MMP16: variants seen among roughly 807,000 people sequenced by gnomAD.
MMP16 encodes matrix metalloproteinase-16.
Under a neutral mutation model 67.8 loss-of-function variants are expected in MMP16, and 12 were observed. The ratio of observed to expected loss-of-function variants is 0.18; its 90% CI spans 0.11 to 0.29. The LOEUF is 0.29. Among genes scored for constraint, MMP16 ranks in the 10% least tolerant of loss-of-function variants. MMP16 has a pLI of 1.00. For synonymous variants in MMP16, 249 were observed against 255.9 expected, an observed-to-expected ratio of 0.97 and a Z score of 0.26; for missense variants, 475 against 765.7, an observed-to-expected ratio of 0.62 and a Z score of 4.48.
intron 1 of MMP16, among the ~76,000 whole-genome samples, chr8:88,284,837 T>C (rs1414422240): frequency 4.1e-5 from 5 of 122,858 alleles, no homozygotes; most frequent in African/African-American, 1.5e-4. Context: ...TCTCTATGCC[T>C]TTTTTTTTTT....
At chr8:88,296,780 G>A (rs1811019531) in intron 1 of MMP16, among the ~76,000 whole-genome samples, 1 of 151,108 alleles carries the variant, frequency 6.6e-6, no homozygotes, top group Non-Finnish European at 1.5e-5. Context: ...AGGAGGTGGA[G>A]GTTGCAGTGA....
chr8:88,093,265 A>T (rs767448633), intron 6 of MMP16, among the ~76,000 whole-genome samples: 31 of 151,872 alleles, frequency 2.0e-4, no homozygotes, highest in Non-Finnish European at 2.9e-4. Flanking sequence ...AGTGCTTCAG[A>T]AGCCGACTTT....
intron 1 of MMP16, among the ~76,000 whole-genome samples, chr8:88,241,975 C>T (rs898542189): frequency 5.9e-5 from 9 of 151,956 alleles, no homozygotes; most frequent in Non-Finnish European, 8.8e-5. Flanking sequence ...ATCTTAAATA[C>T]CATATTTTTG....
chr8:88,125,961 AAATTGCAAAGCCACTTTTTAGG>A (rs1385417179), intron 4 of MMP16, among the ~76,000 whole-genome samples: 1 of 151,942 alleles, frequency 6.6e-6, no homozygotes, highest in Non-Finnish European at 1.5e-5. Context: ...ATCACATAAT[AAATTGCAAAGCCACTTTTTAGG>A]AACTGATCTG....
At chr8:88,103,625 C>T (rs191273994) in intron 6 of MMP16, among the ~76,000 whole-genome samples, 58 of 151,840 alleles carry the variant, frequency 3.8e-4, no homozygotes, top group Admixed American at 2.9e-3. Context: ...TCTGTTTTGT[C>T]CCAGGCTCTG....
chr8:88,252,994 G>A (rs1272849518), intron 1 of MMP16, among the ~76,000 whole-genome samples: 1 of 152,016 alleles, frequency 6.6e-6, no homozygotes, highest in African/African-American at 2.4e-5. Flanking sequence ...GGTAAACAGT[G>A]GAAATAAAAA....
At chr8:88,098,550 T>C (rs2118368806) in intron 6 of MMP16, among the ~76,000 whole-genome samples, 1 of 152,072 alleles carries the variant, frequency 6.6e-6, no homozygotes. Flanking sequence ...TAGGCTTCCT[T>C]TAGGGCATGG....
At chr8:88,219,107 T>C (rs1334891020) in intron 1 of MMP16, among the ~76,000 whole-genome samples, 1 of 151,682 alleles carries the variant, frequency 6.6e-6, no homozygotes, top group Non-Finnish European at 1.5e-5. Flanking sequence ...GAAAAAGGTA[T>C]ATAGACTATG....
chr8:88,306,099 G>A (rs191143090), intron 1 of MMP16, among the ~76,000 whole-genome samples: 11 of 151,886 alleles, frequency 7.2e-5, no homozygotes, highest in African/African-American at 2.4e-4. Context: ...AAATGATAAG[G>A]GGGATGTCAC....
chr8:88,173,482 A>C (rs1027370431), intron 3 of MMP16, among the ~76,000 whole-genome samples: 10 of 152,166 alleles, frequency 6.6e-5, no homozygotes, highest in African/African-American at 2.4e-4. Flanking sequence ...TTTTTATATA[A>C]ACAGGGCTAA....
At chr8:88,068,997 C>T (rs1343817408) in intron 7 of MMP16, among the ~76,000 whole-genome samples, 3 of 152,150 alleles carry the variant, frequency 2.0e-5, no homozygotes, top group Non-Finnish European at 4.4e-5. Context: ...CCACCTTACC[C>T]GGCCAAAATC....
chr8:88,089,964 G>A (rs1454319104), intron 6 of MMP16, among the ~76,000 whole-genome samples: 5 of 151,986 alleles, frequency 3.3e-5, no homozygotes, highest in Non-Finnish European at 5.9e-5. Context: ...TGTATATTAT[G>A]TTGGGAGATA....
chr8:88,088,052 T>TATATATAGATATAATAG (rs1453981842), intron 6 of MMP16, among the ~76,000 whole-genome samples: 7 of 3,850 alleles, frequency 1.8e-3, no homozygotes, highest in African/African-American at 3.9e-3. Context: ...AGATATCTAT[T>TATATATAGATATAATAG]ATATCTATAT....
intron 5 of MMP16, among the ~76,000 whole-genome samples, 160 bp downstream of exon 5, chr8:88,118,540 C>A (rs534823065): frequency 2.2e-4 from 33 of 152,164 alleles, no homozygotes; most frequent in Non-Finnish European, 4.4e-4. Flanking sequence ...CCTTTGCCAA[C>A]AAAATTCAGT....
At chr8:88,068,712 G>C (rs1563522426) in intron 7 of MMP16, among the ~76,000 whole-genome samples, 2 of 151,524 alleles carry the variant, frequency 1.3e-5, no homozygotes, top group African/African-American at 4.8e-5. Flanking sequence ...TTCTTTCTTT[G>C]TTTTTTTGAG....
intron 6 of MMP16, among the ~76,000 whole-genome samples, chr8:88,103,163 G>A (rs1043739993): frequency 6.6e-5 from 10 of 151,756 alleles, no homozygotes; most frequent in African/African-American, 2.4e-4. Context: ...TCCAGTCCTG[G>A]CTAACTTTAC....
chr8:88,178,769 C>T (rs1411597658), intron 3 of MMP16, among the ~76,000 whole-genome samples: 4 of 151,814 alleles, frequency 2.6e-5, no homozygotes, highest in Admixed American at 1.3e-4. Context: ...GCAGTATAAC[C>T]GCATGTAAAT....
At position 88,324,993 on chromosome 8, in the gene MMP16, A is replaced by T. The variant is rs1473109678; in HGVS notation, c.132+2082T>A. 3.9e-5 allele frequency among the ~76,000 whole-genome samples: 6 copies of T among 152,146 alleles called. No homozygotes were observed. The East Asian group carries it at 1.2e-3, about 29-fold the overall frequency. On this transcript the variant is annotated intron_variant, in intron 1 of 9. Coordinates refer to ENST00000286614, the MANE Select transcript of MMP16 (RefSeq NM_005941.5). Reference sequence around the variant, plus strand: ...TATAATCTGCTCTAAACCATGAAAAACTTCCCATTTTATTAAGCAAGATTT... The same window carrying T: ...TATAATCTGCTCTAAACCATGAAAATCTTCCCATTTTATTAAGCAAGATTT...
chr8:88,068,794 C>T (rs540879921), intron 7 of MMP16, among the ~76,000 whole-genome samples: 78 of 152,160 alleles, frequency 5.1e-4, no homozygotes, highest in Admixed American at 6.6e-4. Context: ...CTCTGCCTCC[C>T]GGGATCAAGA....
Sources: allele counts gnomAD v4.1 joint callset (sites outside exome capture counted in the v4.1 genomes callset), GRCh38; gene constraint gnomAD v4.1.1; transcripts MANE v1.5; gene names NCBI Gene and HGNC (gene_info 2026-07-23, HGNC 2026-07-21).